Variants in TULP4 observed in about 807,000 individuals in gnomAD.
The protein encoded by TULP4 is TUB like protein 4.
In TULP4, 16 loss-of-function variants were observed where a neutral mutation model predicts 129.0. That is an observed-to-expected ratio of 0.12 (90% CI 0.08 to 0.19). TULP4 has a LOEUF of 0.19. Among genes scored for constraint, TULP4 ranks in the 10% least tolerant of loss-of-function variants. The probability of loss-of-function intolerance (pLI) is 1.00; values close to 1 mark genes in which losing one functional copy is unlikely to be tolerated. For synonymous variants in TULP4, 998 were observed against 854.0 expected, an observed-to-expected ratio of 1.17 and a Z score of -2.94; for missense variants, 1,842 against 2,059.1, an observed-to-expected ratio of 0.89 and a Z score of 2.04.
At chr6:158,408,517 G>A (rs538029742) in intron 1 of TULP4, among the ~76,000 whole-genome samples, 110 of 152,246 alleles carry the variant, frequency 7.2e-4, no homozygotes, top group Admixed American at 1.3e-3. Flanking sequence ...GCCTGGCCCC[G>A]GTCTGAGGTC....
chr6:158,354,969 A>G (rs1780611888), intron 1 of TULP4, among the ~76,000 whole-genome samples: 1 of 152,000 alleles, frequency 6.6e-6, no homozygotes, highest in South Asian at 2.1e-4. Context: ...ACAGGAAAAT[A>G]ATAGTTGGGT....
intron 12 of TULP4, among the ~76,000 whole-genome samples, chr6:158,499,987 T>C (rs966367137): frequency 6.6e-6 from 1 of 152,054 alleles, no homozygotes; most frequent in Non-Finnish European, 1.5e-5. Context: ...CATAAATACC[T>C]GTAGTTTGGT....
chr6:158,471,707 G>A (rs1489763547), intron 6 of TULP4, among the ~76,000 whole-genome samples: 4 of 152,168 alleles, frequency 2.6e-5, no homozygotes, highest in African/African-American at 9.7e-5. Flanking sequence ...GTGGATTTGG[G>A]ATTGAAGGAA....
chr6:158,246,952 G>A (rs1778041890), intron 1 of TULP4, among the ~76,000 whole-genome samples: 1 of 152,290 alleles, frequency 6.6e-6, no homozygotes, highest in East Asian at 1.9e-4. Context: ...AGAGGATATA[G>A]ATTTATTTGA....
intron 1 of TULP4, among the ~76,000 whole-genome samples, chr6:158,392,547 G>A (rs537231122): frequency 2.0e-5 from 3 of 152,188 alleles, no homozygotes; most frequent in Admixed American, 6.5e-5. Context: ...GCCATAGCTC[G>A]ACCATAGTGT....
intron 1 of TULP4, among the ~76,000 whole-genome samples, chr6:158,359,032 C>T (rs1409686671): frequency 6.6e-6 from 1 of 152,106 alleles, no homozygotes; most frequent in Non-Finnish European, 1.5e-5. Flanking sequence ...TGCATGCTTC[C>T]CTTCACTACA....
At chr6:158,498,375 TG>T (rs2128260759) in intron 11 of TULP4, among the ~76,000 whole-genome samples, 1 of 152,378 alleles carries the variant, frequency 6.6e-6, no homozygotes, top group Non-Finnish European at 1.5e-5. Flanking sequence ...AAATGATTTG[TG>T]TCTAAAATGT....
chr6:158,254,627 T>C (rs1386139355), intron 1 of TULP4, among the ~76,000 whole-genome samples: 1 of 152,258 alleles, frequency 6.6e-6, no homozygotes, highest in Non-Finnish European at 1.5e-5. Context: ...TTTCCACATA[T>C]GCCATTTCAT....
intron 1 of TULP4, among the ~76,000 whole-genome samples, chr6:158,272,324 A>G (rs1408400031): frequency 6.6e-6 from 1 of 152,144 alleles, no homozygotes; most frequent in East Asian, 1.9e-4. Context: ...AATGGCTATG[A>G]TCTTATTACT....
chr6:158,260,259 C>T (rs937154737), intron 1 of TULP4, among the ~76,000 whole-genome samples: 3 of 152,264 alleles, frequency 2.0e-5, no homozygotes, highest in South Asian at 2.1e-4. Flanking sequence ...TAAGAGTTTT[C>T]GGAGTTCTGT....
intron 5 of TULP4, among the ~76,000 whole-genome samples, chr6:158,454,044 A>C: frequency 7.9e-6 from 1 of 125,966 alleles, no homozygotes; most frequent in South Asian, 2.7e-4. Flanking sequence ...TAATTACTCT[A>C]TTTTTAAACT....
At chr6:158,301,006 G>A (rs1052237346) in intron 1 of TULP4, among the ~76,000 whole-genome samples, 1 of 152,226 alleles carries the variant, frequency 6.6e-6, no homozygotes, top group African/African-American at 2.4e-5. Flanking sequence ...GGTCCCAGTA[G>A]AGTGGTATGA....
chr6:158,329,017 CGT>C (rs1779814703), intron 1 of TULP4, among the ~76,000 whole-genome samples: 1 of 152,172 alleles, frequency 6.6e-6, no homozygotes, highest in Non-Finnish European at 1.5e-5. Flanking sequence ...CAAGGAAAAA[CGT>C]GAGAATTTGT....
chr6:158,299,019 G>A (rs1779088213), intron 1 of TULP4, among the ~76,000 whole-genome samples: 1 of 152,142 alleles, frequency 6.6e-6, no homozygotes, highest in African/African-American at 2.4e-5. Flanking sequence ...CGGTAGTGGG[G>A]ACAACAGACA....
intron 1 of TULP4, among the ~76,000 whole-genome samples, chr6:158,358,154 G>A (rs1182562401): frequency 1.3e-5 from 2 of 152,142 alleles, no homozygotes; most frequent in East Asian, 1.9e-4. Context: ...TCTCAAGATC[G>A]GTTTCTCAGA....
chr6:158,345,356 T>A (rs1022026391), intron 1 of TULP4, among the ~76,000 whole-genome samples: 1 of 152,208 alleles, frequency 6.6e-6, no homozygotes, highest in Non-Finnish European at 1.5e-5. Flanking sequence ...GGCTTTGGAC[T>A]CCTGGCCTCA....
rs1320272893 is a variant in TULP4 at position 158,313,385 on chromosome 6, G to T, written c.-632G>T. 7.5e-6 allele frequency: 3 copies of T among 398,180 alleles called. No homozygotes were observed. The highest frequency in any genetic ancestry group is 1.3e-4 in the South Asian group (1 of 7,770). 24.7% of individuals were successfully genotyped at this position (398,180 alleles called of 1,614,324 possible). A position where few individuals can be genotyped will look rare whatever the true frequency, so the allele number is the denominator to read the frequency against. On this transcript the variant is annotated 5_prime_UTR_variant, in exon 1 of 14. Transcript: ENST00000367097. ...GTCTGCACAAACTCTGGTCTGTTTT[G>T]CACGGTTTGTGTGCCTTTTTTTCCC...
intron 6 of TULP4, among the ~76,000 whole-genome samples, chr6:158,470,151 A>G (rs1779646181): frequency 6.6e-6 from 1 of 152,234 alleles, no homozygotes; most frequent in Non-Finnish European, 1.5e-5. Flanking sequence ...CTTTAGCCTG[A>G]TCGGGAGCGG....
At chr6:158,292,036 TA>T in intron 1 of TULP4, among the ~76,000 whole-genome samples, 1 of 152,374 alleles carries the variant, frequency 6.6e-6, no homozygotes. Context: ...TTTTTAATTG[TA>T]AACAGATTTT....
Sources: gnomAD v4.1 joint callset for allele counts (sites outside exome capture counted in the v4.1 genomes callset) on GRCh38, gnomAD v4.1.1 for gene constraint, MANE v1.5 for transcripts, NCBI Gene and HGNC (gene_info 2026-07-23, HGNC 2026-07-21) for gene names.